The following SCAF11 variants were observed in gnomAD, a reference collection of about 807,000 sequenced individuals.
SCAF11 encodes the protein SR-related CTD associated factor 11, also known as protein SCAF11.
A neutral mutation model predicts 140.5 loss-of-function variants in SCAF11; 47 were observed. The observed-to-expected ratio is 0.33, with a 90% CI of 0.26 to 0.43. The LOEUF (loss-of-function observed/expected upper bound fraction) is 0.43, where lower values mean the gene tolerates loss of function less well. SCAF11 is among the 20% of genes least tolerant of loss of function. The pLI is 1.00. For synonymous variants in SCAF11, 557 were observed against 579.4 expected (o/e 0.96, Z 0.55); for missense variants, 1,645 against 1,705.1 (o/e 0.96, Z 0.62).
At chr12:45,980,245 G>A (rs1247268306) in intron 1 of SCAF11, among the ~76,000 whole-genome samples, 1 of 152,076 alleles carries the variant, frequency 6.6e-6, no homozygotes, top group Non-Finnish European at 1.5e-5. Flanking sequence ...AACAAGAAGT[G>A]GTAACATTCT....
rs146299748 is a variant in SCAF11 at position 45,959,162 on chromosome 12, C to T, written c.219+2538G>A. Among the ~76,000 whole-genome samples the T allele has an allele frequency of 7.2e-3, 1,093 of 151,952 alleles. 10 individuals carry two copies. The highest frequency in any genetic ancestry group is 0.025 in the African/African-American group (1,032 of 41,412). On this transcript the variant is annotated intron_variant, in intron 3 of 14. Coordinates refer to ENST00000369367, the MANE Select transcript of SCAF11 (RefSeq NM_004719.3). ...GTACTGTTCTCTTATGCAGATTTCT[C>T]AGGAGCTGTGGCACAAGAATCGCTT...
intron 4 of SCAF11, among the ~76,000 whole-genome samples, chr12:45,950,236 A>C (rs1049608919): frequency 6.6e-6 from 1 of 152,200 alleles, no homozygotes; most frequent in Non-Finnish European, 1.5e-5. Context: ...AAAGTGAGTA[A>C]GAATTGAGAA....
chr12:45,951,940 C>G (rs1471463201), intron 3 of SCAF11, among the ~76,000 whole-genome samples: 1 of 152,138 alleles, frequency 6.6e-6, no homozygotes, highest in Admixed American at 6.6e-5. Flanking sequence ...GAGACAGAAT[C>G]TGTTATTAAA....
chr12:45,953,600 C>G (rs1053455676), intron 3 of SCAF11, among the ~76,000 whole-genome samples: 3 of 151,890 alleles, frequency 2.0e-5, no homozygotes, highest in Admixed American at 6.6e-5. Flanking sequence ...CCTATTTTTA[C>G]AAAAGCTTCA....
At chr12:45,963,847 T>TA (rs1261968890) in intron 2 of SCAF11, among the ~76,000 whole-genome samples, 51 of 151,988 alleles carry the variant, frequency 3.4e-4, no homozygotes, top group African/African-American at 1.2e-3. Flanking sequence ...GACAAAAACA[T>TA]AAACAGTAAT....
chr12:45,987,230 C>A (rs1259857855), intron 1 of SCAF11, among the ~76,000 whole-genome samples: 2 of 152,136 alleles, frequency 1.3e-5, no homozygotes, highest in Non-Finnish European at 2.9e-5. Context: ...CAGCGAGATG[C>A]TATCTGAAAG....
At chr12:45,951,599 C>T in intron 4 of SCAF11, 51 bp downstream of exon 4, 1 of 1,216,864 alleles carries the variant, frequency 8.2e-7, no homozygotes, top group Admixed American at 2.1e-5. Context: ...CAAAGTCAAA[C>T]AGCTTCAATT....
intron 6 of SCAF11, among the ~76,000 whole-genome samples, chr12:45,942,601 A>T (rs1190479420): frequency 6.6e-6 from 1 of 152,154 alleles, no homozygotes; most frequent in Non-Finnish European, 1.5e-5. Flanking sequence ...TATTCTTTGG[A>T]GACATTCCAA....
Position 45,951,697 on chromosome 12 carries a change from GT to G in SCAF11, c.249del (p.Lys83AsnfsTer20). ...CTGAATTTAAACACTGCCTGAAAAG[GT>G]TTACGGTCAATAGGACATGAAGCCA... ...ETLASCPIDR[K>X]PFQAVFKFSA... On this transcript the variant is annotated frameshift_variant, in exon 4 of 15. Coordinates refer to ENST00000369367, the MANE Select transcript of SCAF11 (RefSeq NM_004719.3). LOFTEE classifies it high-confidence loss of function. The G allele has an allele frequency of 6.3e-7, 1 of 1,592,028 alleles. No homozygotes were observed.
Position 45,927,948 on chromosome 12 carries a change from T to C in SCAF11, c.1753A>G (p.Thr585Ala). 2 of 1,613,498 alleles carry C rather than the reference T, an allele frequency of 1.2e-6. No homozygotes were observed. Among genetic ancestry groups the C allele is most frequent in the Non-Finnish European group, 1.7e-6 (2 of 1,179,956 alleles). ...GTAATTTCTACTAGGGAACTCTCTGTTATTTTTTCTTCATTAACCACTGAC... is the reference window on the plus strand; with the variant it reads ...GTAATTTCTACTAGGGAACTCTCTGCTATTTTTTCTTCATTAACCACTGAC... Reference protein sequence around the residue: ...VESVVNEEKITESSLVEITEH... With the variant: ...VESVVNEEKIAESSLVEITEH... The change falls in exon 11 of 15, where the codon ACA becomes GCA. Residue 585 changes from threonine (T) to alanine (A), a missense_variant. Coordinates refer to ENST00000369367, the MANE Select transcript of SCAF11 (RefSeq NM_004719.3).
chr12:45,932,843 C>G (rs1945083626), intron 9 of SCAF11, among the ~76,000 whole-genome samples: 1 of 152,074 alleles, frequency 6.6e-6, no homozygotes, highest in Non-Finnish European at 1.5e-5. Flanking sequence ...GGAATGATGA[C>G]AGATGTATTA....
At chr12:45,968,467 G>C (rs932073270) in intron 1 of SCAF11, among the ~76,000 whole-genome samples, 6 of 151,858 alleles carry the variant, frequency 4.0e-5, no homozygotes, top group African/African-American at 1.5e-4. Flanking sequence ...TAATAATTGG[G>C]GAAGAATGGT....
chr12:45,944,600 A>C (rs1184441517), intron 6 of SCAF11, among the ~76,000 whole-genome samples: 1 of 152,218 alleles, frequency 6.6e-6, no homozygotes, highest in Admixed American at 6.5e-5. Flanking sequence ...AGATCATAGT[A>C]AGATGTTCTT....
intron 1 of SCAF11, among the ~76,000 whole-genome samples, chr12:45,988,443 T>C (rs900951185): frequency 5.3e-5 from 8 of 152,230 alleles, no homozygotes; most frequent in Non-Finnish European, 8.8e-5. Context: ...TGATTCATCC[T>C]ATCTCTGCTG....
At position 45,920,606 on chromosome 12, in the gene SCAF11, A is replaced by AG. The variant is rs1231842804; in HGVS notation, c.*1441dup. 2 of 151,982 alleles carry AG rather than the reference A, an allele frequency of 1.3e-5. No homozygotes were observed. The highest frequency in any genetic ancestry group is 2.4e-5 in the African/African-American group (1 of 41,336). The allele number at this position is 151,982 out of a possible 1,614,324, so 9.4% of individuals were successfully genotyped here. ...ACTGAGATATTCTAGTATTAAAAAG[A>AG]GAAAAAAAAAAAAACCCAAATCCCT... is the stretch of plus-strand genomic sequence containing the variant. On this transcript the variant is annotated 3_prime_UTR_variant, in exon 15 of 15. Coordinates refer to ENST00000369367, the MANE Select transcript of SCAF11 (RefSeq NM_004719.3).
chr12:45,924,655 T>C (rs1944803147), intron 12 of SCAF11, 73 bp downstream of exon 12: 1 of 1,257,746 alleles, frequency 8.0e-7, no homozygotes. Flanking sequence ...ATGCCTTTTT[T>C]TGAACATCTG....
At chr12:45,977,509 T>C (rs1003670291) in intron 1 of SCAF11, among the ~76,000 whole-genome samples, 1 of 152,162 alleles carries the variant, frequency 6.6e-6, no homozygotes, top group Admixed American at 6.6e-5. Flanking sequence ...AATACAGATC[T>C]ATACATGTAT....
intron 12 of SCAF11, 139 bp from the exon 13 acceptor site, chr12:45,923,293 A>G (rs1944761180): frequency 1.5e-6 from 1 of 666,978 alleles, no homozygotes; most frequent in South Asian, 2.0e-5. Context: ...TCAGGTAATT[A>G]TATCTAAAGG....
At chr12:45,970,843 A>G (rs1946055595) in intron 1 of SCAF11, among the ~76,000 whole-genome samples, 1 of 152,230 alleles carries the variant, frequency 6.6e-6, no homozygotes, top group Non-Finnish European at 1.5e-5. Context: ...TCAATCCAGA[A>G]AGTAAGGATA....
Sources: allele counts gnomAD v4.1 joint callset (sites outside exome capture counted in the v4.1 genomes callset), GRCh38; gene constraint gnomAD v4.1.1; transcripts MANE v1.5; gene names NCBI Gene and HGNC (gene_info 2026-07-23, HGNC 2026-07-21).